Variants in FOXP1 observed in about 807,000 individuals in gnomAD.
FOXP1 encodes the protein forkhead box P1.
FOXP1 carries 15 observed loss-of-function variants against 98.2 expected under a neutral mutation model. That is an observed-to-expected ratio of 0.15 (90% confidence interval 0.10 to 0.24). FOXP1 has a LOEUF of 0.24. Among genes scored for constraint, FOXP1 ranks in the 10% least tolerant of loss-of-function variants. The pLI, the probability that FOXP1 is intolerant of heterozygous loss-of-function variation, is 1.00. For missense variants in FOXP1, 633 were observed against 848.5 expected (o/e 0.75, Z 3.15); for synonymous variants, 371 against 314.5 (o/e 1.18, Z -1.90).
Position 70,970,992 on chromosome 3 carries a change from G to A in FOXP1, c.1653-187C>T, listed in dbSNP as rs370680629. ...GGCGGGTGTGTGTGCACACCTCTGG[G>A]GTTGGACTTCTCTATTCAAGGAAAC... On this transcript the variant is annotated intron_variant, in intron 18 of 20. Transcript: ENST00000649528. The A allele has an allele frequency of 1.3e-3, 774 of 612,986 alleles. 7 individuals are homozygous for A. Among genetic ancestry groups the A allele is most frequent in the South Asian group, 0.013 (693 of 55,224 alleles). The allele number at this position is 612,986 out of a possible 1,614,324, so 38.0% of individuals were successfully genotyped here. A position where few individuals can be genotyped will look rare whatever the true frequency, so the allele number is the denominator to read the frequency against.
At chr3:71,325,270 C>A (rs1369944816) in intron 4 of FOXP1, among the ~76,000 whole-genome samples, 1 of 152,138 alleles carries the variant, frequency 6.6e-6, no homozygotes, top group Non-Finnish European at 1.5e-5. Flanking sequence ...CCAGGCGGGT[C>A]TCGAACTCCT....
chr3:71,182,745 A>C (rs1393139828), intron 6 of FOXP1, among the ~76,000 whole-genome samples: 1 of 151,754 alleles, frequency 6.6e-6, no homozygotes, highest in Non-Finnish European at 1.5e-5. Flanking sequence ...TACGAGGTCT[A>C]AGCTGCCCAG....
intron 5 of FOXP1, among the ~76,000 whole-genome samples, chr3:71,240,615 T>TTACTGCAACCTCCGCC (rs1251212916): frequency 6.6e-6 from 1 of 152,126 alleles, no homozygotes; most frequent in East Asian, 1.9e-4. Flanking sequence ...CGATCTCGGC[T>TTACTGCAACCTCCGCC]TACTGCAACC....
chr3:71,200,063 C>G (rs1328645695), intron 5 of FOXP1, among the ~76,000 whole-genome samples: 1 of 110,946 alleles, frequency 9.0e-6, no homozygotes, highest in Non-Finnish European at 1.6e-5. Flanking sequence ...GCCTGAGCTA[C>G]AGAGCGAGAC....
chr3:71,524,036 TA>T (rs1275823275), intron 2 of FOXP1, among the ~76,000 whole-genome samples: 1 of 151,720 alleles, frequency 6.6e-6, no homozygotes, highest in East Asian at 1.9e-4. Flanking sequence ...TGCCATGAAA[TA>T]AAAAAGGGTA....
chr3:71,486,318 G>T (rs151033859), intron 3 of FOXP1, among the ~76,000 whole-genome samples: 2,056 of 152,224 alleles, frequency 0.014, 19 homozygotes, highest in Middle Eastern at 0.024. Context: ...CTAATTATTT[G>T]TTATAAATAT....
chr3:71,535,538 C>T (rs1388195300), intron 2 of FOXP1, among the ~76,000 whole-genome samples: 2 of 152,000 alleles, frequency 1.3e-5, no homozygotes, highest in Non-Finnish European at 1.5e-5. Flanking sequence ...AAACCCATCT[C>T]TAACAACAAC....
intron 6 of FOXP1, among the ~76,000 whole-genome samples, chr3:71,129,331 T>C (rs979651024): frequency 2.6e-5 from 4 of 152,172 alleles, no homozygotes; most frequent in South Asian, 2.1e-4. Context: ...AAAGCCACCA[T>C]AGCGATAGCA....
At position 71,126,514 on chromosome 3, in the gene FOXP1, T is replaced by G. The variant is rs115406010; in HGVS notation, c.181-13877A>C. ...AAAAAAATAATCAAATAAATAAAAA[T>G]AAAAAGAAAAGAAAAGAAATTTTCT... On this transcript the variant is annotated intron_variant, in intron 6 of 20. Coordinates refer to ENST00000649528, the MANE Select transcript of FOXP1 (RefSeq NM_001349338.3). Among the ~76,000 whole-genome samples the G allele has an allele frequency of 8.9e-3, 1,324 of 148,784 alleles. 21 individuals are homozygous for G. Among genetic ancestry groups the G allele is most frequent in the African/African-American group, 0.031 (1,236 of 40,412 alleles).
intron 3 of FOXP1, among the ~76,000 whole-genome samples, chr3:71,415,010 C>G (rs2083101230): frequency 6.6e-6 from 1 of 152,162 alleles, no homozygotes; most frequent in African/African-American, 2.4e-5. Flanking sequence ...CTCAAAGTAT[C>G]TATAATCTCA....
chr3:71,141,550 C>G (rs959907214), intron 6 of FOXP1, among the ~76,000 whole-genome samples: 13 of 152,166 alleles, frequency 8.5e-5, no homozygotes, highest in African/African-American at 3.1e-4. Context: ...TTAAAGTTAA[C>G]CGTTCTACAG....
At chr3:71,338,024 G>C (rs2076791990) in intron 4 of FOXP1, among the ~76,000 whole-genome samples, 1 of 152,174 alleles carries the variant, frequency 6.6e-6, no homozygotes, top group Admixed American at 6.5e-5. Flanking sequence ...CTCATAGTAA[G>C]TATTAAGGAG....
chr3:71,409,260 C>T (rs1484641509), intron 3 of FOXP1, among the ~76,000 whole-genome samples: 1 of 152,144 alleles, frequency 6.6e-6, no homozygotes. Context: ...CTCCATACCA[C>T]TTACCACCAA....
intron 3 of FOXP1, among the ~76,000 whole-genome samples, chr3:71,415,466 T>C (rs2083140923): frequency 6.6e-6 from 1 of 152,198 alleles, no homozygotes; most frequent in Non-Finnish European, 1.5e-5. Context: ...AGAGCCAATA[T>C]TTATACAAAC....
intron 3 of FOXP1, among the ~76,000 whole-genome samples, chr3:71,365,053 GGTGTTGTT>G (rs1479888885): frequency 2.0e-5 from 3 of 152,134 alleles, no homozygotes; most frequent in African/African-American, 7.2e-5. Flanking sequence ...TAAACAAGTG[GGTGTTGTT>G]GTGTTCTAAT....
intron 3 of FOXP1, among the ~76,000 whole-genome samples, chr3:71,480,776 C>T (rs1327151232): frequency 6.6e-6 from 1 of 152,118 alleles, no homozygotes; most frequent in East Asian, 1.9e-4. Context: ...GGTACCAAAC[C>T]AGAGTGGGAA....
intron 4 of FOXP1, among the ~76,000 whole-genome samples, chr3:71,319,293 G>T (rs1232240102): frequency 1.3e-5 from 2 of 151,992 alleles, no homozygotes; most frequent in African/African-American, 2.4e-5. Flanking sequence ...TGCTGTTTGG[G>T]GGTCTTCTCC....
intron 6 of FOXP1, among the ~76,000 whole-genome samples, chr3:71,184,152 AAAAC>A (rs909117104): frequency 4.6e-5 from 7 of 152,280 alleles, no homozygotes; most frequent in African/African-American, 7.2e-5. Flanking sequence ...GACTGTCTCA[AAAAC>A]AAACAAACAA....
chr3:71,198,264 C>G lies in FOXP1; in HGVS notation c.118G>C (p.Glu40Gln), dbSNP rs1398482259. 6.2e-7 allele frequency: 1 copy of G among 1,614,214 alleles called. No homozygotes were observed. ...GGLREGRSNG[E>Q]TPAVDIGAAD... ...GCCCCGATGTCCACGGCCGGCGTCTCTCCGTTGGACCGCCCCTCCCGAAGA... is the reference window on the plus strand; with the variant it reads ...GCCCCGATGTCCACGGCCGGCGTCTGTCCGTTGGACCGCCCCTCCCGAAGA... The change falls in exon 6 of 21, where the codon GAG becomes CAG. Residue 40 changes from glutamate (E) to glutamine (Q), a missense_variant. By Grantham distance (29) the Glu-to-Gln change is conservative (BLOSUM62 2). This residue lies in a region of FOXP1 where 103 missense variants were observed against 85.5 expected (regional missense o/e 1.20). Transcript: ENST00000649528.
Sources: allele counts gnomAD v4.1 joint callset (sites outside exome capture counted in the v4.1 genomes callset), GRCh38; gene constraint gnomAD v4.1.1; regional missense constraint gnomAD v4.1.1; transcripts MANE v1.5; gene names NCBI Gene and HGNC (gene_info 2026-07-23, HGNC 2026-07-21).